OXR1: variants seen among roughly 807,000 people sequenced by gnomAD.
OXR1 encodes the protein oxidation resistance 1.
In OXR1, 41 loss-of-function variants were observed where a neutral mutation model predicts 104.6. The observed-to-expected ratio is 0.39, with a 90% CI of 0.31 to 0.51. The LOEUF is 0.51. Among genes scored for constraint, OXR1 ranks in the 20% least tolerant of loss-of-function variants. OXR1 has a pLI of 0.77. For synonymous variants in OXR1, 348 were observed against 348.4 expected (o/e 1.00, Z 0.01); for missense variants, 955 against 1,031.9 (o/e 0.93, Z 1.02).
chr8:106,706,693 C>G lies in OXR1; in HGVS notation c.1172C>G (p.Pro391Arg). The G allele has an allele frequency of 2.5e-6, 4 of 1,613,018 alleles. No homozygotes were observed. Among genetic ancestry groups the G allele is most frequent in the Non-Finnish European group, 2.5e-6 (3 of 1,179,494 alleles). ...LTVKSESTGT[P>R]GHLRSDTEHS... ...GTCAAATCAGAATCTACTGGTACTC[C>G]TGGTCACTTAAGATCTGATACTGAA... The change falls in exon 9 of 17, where the codon CCT becomes CGT. Residue 391 changes from proline (P) to arginine (R), a missense_variant. Around this residue, in one of 2 missense-constraint regions of OXR1, gnomAD observed 849 missense variants for 852.9 expected, o/e 1.00. Transcript: ENST00000517566.
chr8:106,440,453 A>G (rs147841518), intron 2 of OXR1, among the ~76,000 whole-genome samples: 10 of 152,252 alleles, frequency 6.6e-5, no homozygotes, highest in Non-Finnish European at 1.3e-4. Flanking sequence ...GTATATTATT[A>G]CATGGTAAAC....
At chr8:106,277,339 G>T (rs1317061862) in intron 1 of OXR1, among the ~76,000 whole-genome samples, 1 of 152,136 alleles carries the variant, frequency 6.6e-6, no homozygotes, top group Admixed American at 6.5e-5. Flanking sequence ...ATATCCACCG[G>T]ATTATAGGTT....
At chr8:106,544,373 A>G (rs907361678) in intron 3 of OXR1, among the ~76,000 whole-genome samples, 3 of 152,138 alleles carry the variant, frequency 2.0e-5, no homozygotes, top group African/African-American at 7.2e-5. Context: ...AGAAAGTTTG[A>G]TCACATTAAA....
chr8:106,539,982 A>G (rs1035126795), intron 3 of OXR1, among the ~76,000 whole-genome samples: 1 of 152,218 alleles, frequency 6.6e-6, no homozygotes, highest in Non-Finnish European at 1.5e-5. Flanking sequence ...TTCAAACTTT[A>G]TAAAATTGAC....
At chr8:106,469,191 C>T (rs192405726) in intron 2 of OXR1, among the ~76,000 whole-genome samples, 7 of 151,782 alleles carry the variant, frequency 4.6e-5, no homozygotes, top group South Asian at 2.1e-4. Context: ...CTCTCTTTCT[C>T]GTCCTCTTTC....
intron 1 of OXR1, among the ~76,000 whole-genome samples, chr8:106,293,313 TGTC>T (rs1321349117): frequency 6.6e-6 from 1 of 152,324 alleles, no homozygotes; most frequent in East Asian, 1.9e-4. Flanking sequence ...TCCCTTATCT[TGTC>T]GTAGACTGGA....
rs1329099502 is a variant in OXR1, at chr8:106,694,707, A to G, written c.675+1830A>G. ...TATATAAATATATGTTTATATATTT[A>G]ATATATAAATATATTTTTATATATT... On this transcript the variant is annotated intron_variant, in intron 7 of 16. Coordinates refer to ENST00000517566, the MANE Select transcript of OXR1 (RefSeq NM_001198533.2). Among the ~76,000 whole-genome samples the G allele has an allele frequency of 3.3e-4, 36 of 108,600 alleles. 3 individuals are homozygous for G. The East Asian group carries it at 4.2e-3, about 13-fold the overall frequency. 71.2% of individuals were successfully genotyped at this position (108,600 alleles called of 152,430 possible). A position where few individuals can be genotyped will look rare whatever the true frequency, so the allele number is the denominator to read the frequency against.
At chr8:106,737,469 T>TTTTTTTTTTTTTTTA in intron 11 of OXR1, 51 bp from the exon 12 acceptor site, 1 of 287,526 alleles carries the variant, frequency 3.5e-6, no homozygotes. Flanking sequence ...TTTTTTTTGC[T>TTTTTTTTTTTTTTTA]GTTTTTCTCA....
chr8:106,294,869 C>T (rs1563700534), intron 1 of OXR1, among the ~76,000 whole-genome samples: 3 of 152,172 alleles, frequency 2.0e-5, no homozygotes, highest in Admixed American at 6.6e-5. Context: ...TTTATGCGGC[C>T]TTTCATATCT....
chr8:106,467,348 T>A (rs1485699774), intron 2 of OXR1, among the ~76,000 whole-genome samples: 1 of 151,904 alleles, frequency 6.6e-6, no homozygotes, highest in African/African-American at 2.4e-5. Flanking sequence ...TGAACTTGAA[T>A]ACTTGCTAAC....
At chr8:106,591,942 C>T (rs1002791958) in intron 3 of OXR1, among the ~76,000 whole-genome samples, 4 of 152,158 alleles carry the variant, frequency 2.6e-5, no homozygotes, top group South Asian at 2.1e-4. Flanking sequence ...AGAGCTGCAG[C>T]GGCATTTCCG....
chr8:106,741,662 T>G (rs919337826), intron 14 of OXR1, among the ~76,000 whole-genome samples: 1 of 152,148 alleles, frequency 6.6e-6, no homozygotes, highest in Non-Finnish European at 1.5e-5. Flanking sequence ...CCCATAACAC[T>G]GAAATTACTT....
intron 1 of OXR1, among the ~76,000 whole-genome samples, chr8:106,339,115 T>A (rs1466052378): frequency 6.6e-6 from 1 of 152,176 alleles, no homozygotes; most frequent in Non-Finnish European, 1.5e-5. Flanking sequence ...TACATACTTT[T>A]GTGTCCACAT....
intron 2 of OXR1, among the ~76,000 whole-genome samples, chr8:106,363,913 G>A (rs1200484399): frequency 1.3e-5 from 2 of 152,068 alleles, no homozygotes; most frequent in Admixed American, 6.6e-5. Flanking sequence ...ACGTTTCTGC[G>A]AAAGAGACTT....
intron 1 of OXR1, among the ~76,000 whole-genome samples, chr8:106,324,140 GA>G (rs1445497634): frequency 3.3e-5 from 5 of 152,272 alleles, no homozygotes; most frequent in Non-Finnish European, 5.9e-5. Context: ...ATTGGATAAA[GA>G]AAATGTGTTA....
chr8:106,657,718 A>T, intron 3 of OXR1: 2 of 540,772 alleles, frequency 3.7e-6, no homozygotes, highest in Non-Finnish European at 5.3e-6. Context: ...TGACAAGCTA[A>T]GTTCTGCCTC....
chr8:106,690,509 A>T (rs1829171139), intron 6 of OXR1, among the ~76,000 whole-genome samples: 1 of 151,238 alleles, frequency 6.6e-6, no homozygotes, highest in South Asian at 2.1e-4. Context: ...TAGGAAACAA[A>T]TATTTTATAT....
At chr8:106,425,462 G>T (rs1819076642) in intron 2 of OXR1, among the ~76,000 whole-genome samples, 1 of 152,040 alleles carries the variant, frequency 6.6e-6, no homozygotes, top group African/African-American at 2.4e-5. Flanking sequence ...AATGTATTTT[G>T]TGAAAGTACA....
At chr8:106,281,383 A>G (rs1469664076) in intron 1 of OXR1, among the ~76,000 whole-genome samples, 1 of 152,212 alleles carries the variant, frequency 6.6e-6, no homozygotes, top group Non-Finnish European at 1.5e-5. Context: ...TTGGCAATAG[A>G]AAGGAATAGA....
Sources: allele counts gnomAD v4.1 joint callset (sites outside exome capture counted in the v4.1 genomes callset), GRCh38; gene constraint gnomAD v4.1.1; regional missense constraint gnomAD v4.1.1; transcripts MANE v1.5; gene names NCBI Gene and HGNC (gene_info 2026-07-23, HGNC 2026-07-21).